CCDC191: variants seen among roughly 807,000 people sequenced by gnomAD.
CCDC191 encodes coiled-coil domain-containing protein 191.
CCDC191 carries 99 observed loss-of-function variants against 114.0 expected under a neutral mutation model. That is an observed-to-expected ratio of 0.87 (90% CI 0.74 to 1.03). The LOEUF (loss-of-function observed/expected upper bound fraction) is 1.03, where lower values mean the gene tolerates loss of function less well. CCDC191 is among the 50% of genes least tolerant of loss of function. The pLI, the probability that CCDC191 is intolerant of heterozygous loss-of-function variation, is 0.00. For synonymous variants in CCDC191, 351 were observed against 376.0 expected, an observed-to-expected ratio of 0.93 and a Z score of 0.77; for missense variants, 973 against 1,087.0, an observed-to-expected ratio of 0.90 and a Z score of 1.47.
chr3:114,044,733 C>T (rs1476231474), intron 3 of CCDC191, among the ~76,000 whole-genome samples: 2 of 152,144 alleles, frequency 1.3e-5, no homozygotes, highest in African/African-American at 4.8e-5. Flanking sequence ...ATAATTCACA[C>T]CTACTAAATA....
At chr3:113,987,113 C>A (rs2075388827) in intron 13 of CCDC191, among the ~76,000 whole-genome samples, 2 of 116,926 alleles carry the variant, frequency 1.7e-5, no homozygotes, top group Non-Finnish European at 1.7e-5. Flanking sequence ...AGAGTAACAT[C>A]ATTAAGGTGT....
At chr3:114,024,739 T>C (rs2076295503) in intron 7 of CCDC191, among the ~76,000 whole-genome samples, 2 of 152,118 alleles carry the variant, frequency 1.3e-5, no homozygotes, top group South Asian at 2.1e-4. Context: ...TTAGGAGATA[T>C]ACCTAATGTT....
rs1206555168 is a variant in CCDC191, at chr3:114,023,907, G to A, written c.973-5039C>T. Among the ~76,000 whole-genome samples the A allele has an allele frequency of 3.9e-5, 6 of 152,134 alleles. No individual in the cohort carries two copies. The East Asian group carries it at 1.2e-3, about 29-fold the overall frequency. On this transcript the variant is annotated intron_variant, in intron 7 of 16. Transcript: ENST00000295878. Reference sequence around the variant, plus strand: ...TGCACAGCAAAAGAAACTACCATCAGAGTGAACAGGCAACCTACAGAATGG... The same window carrying A: ...TGCACAGCAAAAGAAACTACCATCAAAGTGAACAGGCAACCTACAGAATGG...
chr3:114,051,428 G>C (rs2076696809), intron 2 of CCDC191, among the ~76,000 whole-genome samples: 1 of 152,090 alleles, frequency 6.6e-6, no homozygotes, highest in Non-Finnish European at 1.5e-5. Context: ...CCTATTTTTA[G>C]TACCATAAAA....
At chr3:114,018,588 G>C in intron 8 of CCDC191, 90 bp downstream of exon 8, 1 of 1,002,388 alleles carries the variant, frequency 1.0e-6, no homozygotes. Flanking sequence ...GATTATTCTA[G>C]TTGGCATGTG....
chr3:114,031,570 A>G, intron 7 of CCDC191, 56 bp downstream of exon 7: 1 of 1,393,672 alleles, frequency 7.2e-7, no homozygotes, highest in East Asian at 2.3e-5. Flanking sequence ...TCTCTGATGG[A>G]GCTCTTTGTC....
intron 8 of CCDC191, among the ~76,000 whole-genome samples, chr3:114,018,280 C>T: frequency 6.6e-6 from 1 of 152,148 alleles, no homozygotes; most frequent in African/African-American, 2.4e-5. Context: ...AGGGAAAATC[C>T]TAATACTTGC....
intron 2 of CCDC191, among the ~76,000 whole-genome samples, chr3:114,052,748 A>G (rs2076712930): frequency 6.6e-6 from 1 of 152,210 alleles, no homozygotes; most frequent in African/African-American, 2.4e-5. Flanking sequence ...CTGAATAAAT[A>G]AATGCTTAAA....
intron 7 of CCDC191, among the ~76,000 whole-genome samples, chr3:114,027,149 ACACAAAAAAC>A (rs1199145300): frequency 6.6e-6 from 1 of 152,236 alleles, no homozygotes. Flanking sequence ...GAAAGCTTCT[ACACAAAAAAC>A]AAATGTTTTT....
intron 9 of CCDC191, among the ~76,000 whole-genome samples, chr3:114,009,880 G>T (rs2076039162): frequency 6.6e-6 from 1 of 151,978 alleles, no homozygotes; most frequent in Admixed American, 6.6e-5. Flanking sequence ...CCAGCTTATG[G>T]TTCATTACAG....
At position 114,005,705 on chromosome 3, in the gene CCDC191, G is replaced by A; in HGVS notation, c.1671C>T (p.Val557=). The change falls in exon 10 of 17, where the codon GTC becomes GTT. Residue 557 remains valine (V), a synonymous_variant. Coordinates refer to ENST00000295878, the MANE Select transcript of CCDC191 (RefSeq NM_020817.2). ...GCTTCTCAATCAGCTGTTGCTGGAA[G>A]ACATGGCGGTTGTGGAAATGACCCA... The part of the protein sequence containing the change: ...LCLGHFHNRH[V]FQQQLIEKQK... The A allele has an allele frequency of 6.2e-7, 1 of 1,614,154 alleles. No homozygotes were observed. The highest frequency in any genetic ancestry group is 8.5e-7 in the Non-Finnish European group (1 of 1,180,002).
In CCDC191 at chr3:113,985,757, C is replaced by T. The variant is rs140732619; in HGVS notation, c.2164-4964G>A. ...AAGTCACTAGAAGACATTAAAGTCT[C>T]TGATGTCTACAGCATACAGCAACAA... On this transcript the variant is annotated intron_variant, in intron 13 of 16. Coordinates refer to ENST00000295878, the MANE Select transcript of CCDC191 (RefSeq NM_020817.2). 8.9e-3 allele frequency among the ~76,000 whole-genome samples: 1,355 copies of T among 152,266 alleles called. 25 individuals carry two copies. Among genetic ancestry groups the T allele is most frequent in the Non-Finnish European group, 9.0e-3 (615 of 68,012 alleles).
intron 7 of CCDC191, among the ~76,000 whole-genome samples, chr3:114,024,414 G>A (rs1208745833): frequency 1.9e-4 from 29 of 152,034 alleles, no homozygotes; most frequent in Admixed American, 5.2e-4. Flanking sequence ...GGTTTATTGC[G>A]GCACTATTCA....
intron 13 of CCDC191, among the ~76,000 whole-genome samples, chr3:113,998,414 C>T (rs1056470317): frequency 2.0e-5 from 3 of 152,062 alleles, no homozygotes; most frequent in Non-Finnish European, 4.4e-5. Context: ...ACAGCTCCAC[C>T]GGTGTTATTG....
Position 113,974,577 on chromosome 3 carries a change from C to T in CCDC191, c.2606+3609G>A, listed in dbSNP as rs578043345. On this transcript the variant is annotated intron_variant, in intron 16 of 16. Coordinates refer to ENST00000295878, the MANE Select transcript of CCDC191 (RefSeq NM_020817.2). ...TCAGGTGATCTGCCCACCTTGGCCT[C>T]CCAAAGTGCTGGGATTAAGGTATGA... Among the ~76,000 whole-genome samples the T allele has an allele frequency of 3.9e-5, 6 of 152,286 alleles. No individual in the cohort carries two copies. The South Asian group carries it at 1.2e-3, about 32-fold the overall frequency.
At chr3:114,024,722 G>A (rs548443254) in intron 7 of CCDC191, among the ~76,000 whole-genome samples, 1 of 152,064 alleles carries the variant, frequency 6.6e-6, no homozygotes, top group African/African-American at 2.4e-5. Context: ...AGGGAGGAGG[G>A]ATAGCATTAG....
At chr3:113,990,621 A>G (rs2107634640) in intron 13 of CCDC191, among the ~76,000 whole-genome samples, 1 of 151,524 alleles carries the variant, frequency 6.6e-6, no homozygotes, top group African/African-American at 2.4e-5. Flanking sequence ...AAAATTTAAT[A>G]TAAAATAATA....
At chr3:113,982,309 G>A (rs1044073287) in intron 13 of CCDC191, among the ~76,000 whole-genome samples, 2 of 152,114 alleles carry the variant, frequency 1.3e-5, no homozygotes, top group South Asian at 2.1e-4. Context: ...TTCTTACATA[G>A]CAATTTAATT....
intron 10 of CCDC191, among the ~76,000 whole-genome samples, chr3:114,005,059 G>A (rs1034897313): frequency 1.4e-4 from 22 of 152,122 alleles, no homozygotes; most frequent in African/African-American, 4.6e-4. Flanking sequence ...ACCATCTTAC[G>A]TGGCTTTTGA....
Sources: gnomAD v4.1 joint callset for allele counts (sites outside exome capture counted in the v4.1 genomes callset) on GRCh38, gnomAD v4.1.1 for gene constraint, MANE v1.5 for transcripts, NCBI Gene and HGNC (gene_info 2026-07-23, HGNC 2026-07-21) for gene names.